Variants in PDZD7 observed in about 807,000 individuals in gnomAD.
PDZD7 encodes PDZ domain containing 7.
PDZD7 carries 72 observed loss-of-function variants against 84.7 expected under a neutral mutation model. The ratio of observed to expected loss-of-function variants is 0.85; its 90% confidence interval spans 0.70 to 1.03. PDZD7 has a LOEUF of 1.03. Among genes scored for constraint, PDZD7 ranks in the 50% least tolerant of loss-of-function variants. The pLI, the probability that PDZD7 is intolerant of heterozygous loss-of-function variation, is 0.00. For synonymous variants in PDZD7, 594 were observed against 580.7 expected (o/e 1.02, Z -0.33); for missense variants, 1,490 against 1,412.9 (o/e 1.05, Z -0.87).
intron 9 of PDZD7, chr10:101,017,883 G>A (rs1590057164): frequency 8.5e-6 from 2 of 236,020 alleles, no homozygotes; most frequent in South Asian, 6.0e-5. Flanking sequence ...AAGAAAGAAA[G>A]AAAGAAAGAA....
At chr10:101,027,539 G>A (rs56151242) in intron 2 of PDZD7, among the ~76,000 whole-genome samples, 4,374 of 152,208 alleles carry the variant, frequency 0.029, 94 homozygotes, top group Middle Eastern at 0.058. Flanking sequence ...TGCTAAAAAC[G>A]GGAATTCCTT....
At position 101,010,865 on chromosome 10, in the gene PDZD7, T is replaced by A; in HGVS notation, c.2024A>T (p.Tyr675Phe). ...CGGGAAGCCGTTCACCGGCAGCAGG[T>A]AGAAGCCTCCGCGGCTGTCTGGGGA... ...TPVPDSRGGFYLLPVNGFPEE... is the reference protein window; with the variant it reads ...TPVPDSRGGFFLLPVNGFPEE... The change falls in exon 15 of 17, where the codon TAC becomes TTC. Residue 675 changes from tyrosine to phenylalanine, a missense_variant. By Grantham distance (22) the Tyr-to-Phe change is conservative (BLOSUM62 3). Transcript: ENST00000619208. 5 of 1,534,152 alleles carry A rather than the reference T, an allele frequency of 3.3e-6. No homozygotes were observed. Among genetic ancestry groups the A allele is most frequent in the Non-Finnish European group, 3.5e-6 (4 of 1,146,826 alleles).
In PDZD7 at chr10:101,010,861, C is replaced by G; in HGVS notation, c.2028G>C (p.Leu676=). 1 of 1,534,302 alleles carries G rather than the reference C, an allele frequency of 6.5e-7. No individual in the cohort carries two copies. The highest frequency in any genetic ancestry group is 8.7e-7 in the Non-Finnish European group (1 of 1,146,854). The change falls in exon 15 of 17, where the codon CTG becomes CTC. Residue 676 remains leucine, a synonymous_variant. Transcript: ENST00000619208. ...PVPDSRGGFY[L]LPVNGFPEEE... ...CTTCCGGGAAGCCGTTCACCGGCAG[C>G]AGGTAGAAGCCTCCGCGGCTGTCTG...
intron 10 of PDZD7, 97 bp from the exon 11 acceptor site, chr10:101,015,908 G>A (rs920799520): frequency 1.6e-5 from 21 of 1,338,024 alleles, no homozygotes; most frequent in Non-Finnish European, 1.8e-5. Context: ...ACCTGGGGCA[G>A]AATCCTAGCC....
At position 101,031,113 on chromosome 10, in the gene PDZD7, C is replaced by G. The variant is rs1428026220; in HGVS notation, c.-206G>C. On this transcript the variant is annotated 5_prime_UTR_variant, in exon 1 of 17. Transcript: ENST00000619208. ...GCGCCGCCAGCCTTGTCAAACCACC[C>G]GCAGGCGAGAGCTACTGCCGCAGCC... 2 of 152,360 alleles carry G rather than the reference C, an allele frequency of 1.3e-5. No individual in the cohort carries two copies. The highest frequency in any genetic ancestry group is 4.1e-4 in the South Asian group (2 of 4,848). 9.4% of individuals were successfully genotyped at this position (152,360 alleles called of 1,614,324 possible). A position where few individuals can be genotyped will look rare whatever the true frequency, so the allele number is the denominator to read the frequency against.
rs1347404754 is a variant in PDZD7 at position 101,008,470 on chromosome 10, T to C, written c.3099A>G (p.Pro1033=). ...GAATCTGAGGTTAGGGGGAGGGTCA[T>C]GGGATGCGTGGGGAGGGTGCGGGCT... ...DSKPAPSPRI[P] Residue 1033 remains proline (P), a synonymous_variant, in exon 17 of 17, where the codon CCA becomes CCG. Transcript: ENST00000619208. 1 of 1,472,906 alleles carries C rather than the reference T, an allele frequency of 6.8e-7. No individual in the cohort carries two copies. Among genetic ancestry groups the C allele is most frequent in the South Asian group, 1.3e-5 (1 of 78,300 alleles). 91.2% of individuals were successfully genotyped at this position (1,472,906 alleles called of 1,614,324 possible).
At position 101,010,646 on chromosome 10, in the gene PDZD7, G is replaced by A. The variant is rs529449456; in HGVS notation, c.2243C>T (p.Pro748Leu). The A allele has an allele frequency of 1.7e-5, 25 of 1,509,938 alleles. No individual in the cohort carries two copies. The South Asian group carries it at 2.9e-4, about 17-fold the overall frequency. The allele number at this position is 1,509,938 out of a possible 1,614,324, so 93.5% of individuals were successfully genotyped here. A position where few individuals can be genotyped will look rare whatever the true frequency, so the allele number is the denominator to read the frequency against. The part of the protein sequence containing the change: ...LPPVAPRPLR[P>L]NWLLTEPLSR... ...CAGGGGTTCTGTCAGCAGCCAGTTA[G>A]GCCGCAGGGGCCGGGGAGCCACGGG... The change falls in exon 15 of 17, where the codon CCT becomes CTT. Residue 748 changes from proline to leucine, a missense_variant. By Grantham distance (98) the Pro-to-Leu change is moderately conservative (BLOSUM62 -3). Transcript: ENST00000619208.
At position 101,029,901 on chromosome 10, in the gene PDZD7, A is replaced by G. The variant is rs1043840658; in HGVS notation, c.226+93T>C. 4 of 1,328,628 alleles carry G rather than the reference A, an allele frequency of 3.0e-6. No individual in the cohort carries two copies. The African/African-American group carries it at 5.8e-5, about 19-fold the overall frequency. The allele number at this position is 1,328,628 out of a possible 1,614,324, so 82.3% of individuals were successfully genotyped here. A position where few individuals can be genotyped will look rare whatever the true frequency, so the allele number is the denominator to read the frequency against. On this transcript the variant is annotated intron_variant, in intron 2 of 16. Transcript: ENST00000619208. Reference sequence around the variant, plus strand: ...TGACTCCCATCTCTTGAATTCCCCCAATCATACTGGCTCTGCCTCCTCCTG... The same window carrying G: ...TGACTCCCATCTCTTGAATTCCCCCGATCATACTGGCTCTGCCTCCTCCTG...
Position 101,022,210 on chromosome 10 carries a change from T to G in PDZD7, c.718A>C (p.Lys240Gln). 6.2e-7 allele frequency: 1 copy of G among 1,614,180 alleles called. No homozygotes were observed. The highest frequency in any genetic ancestry group is 2.2e-5 in the East Asian group (1 of 44,878). Residue 240 changes from lysine (K) to glutamine (Q), a missense_variant and splice_region_variant, in exon 5 of 17, where the codon AAA (lysine) becomes CAA (glutamine). Physicochemically the swap from Lys to Gln is moderately conservative, Grantham distance 53. Coordinates refer to ENST00000619208, the MANE Select transcript of PDZD7 (RefSeq NM_001195263.2). ...GACACTTCCTGCCTCAGCCCTCACT[T>G]GGACACATAGATGCCCAGGCCAAAC... ...KEFGLGIYVSKVDHGGLAEEN... is the reference protein window; with the variant it reads ...KEFGLGIYVSQVDHGGLAEEN...
At chr10:101,014,015 ATT>A (rs34909819) in intron 11 of PDZD7, among the ~76,000 whole-genome samples, 2,063 of 140,756 alleles carry the variant, frequency 0.015, 37 homozygotes, top group African/African-American at 0.044. Context: ...ATGCCCAGCT[ATT>A]TTTTTTTTTT....
rs1852419161 is a variant in PDZD7, at chr10:101,012,195, C to T, written c.1813G>A (p.Glu605Lys). ...ATGTCCTGCAGCAGTAGCAGCTTCT[C>T]CGGCCTGTCGAGGATGGCCAGCAGG... Reference protein sequence around the residue: ...RPLLAILDRPEKLLLLQDIRS... With the variant: ...RPLLAILDRPKKLLLLQDIRS... The change falls in exon 12 of 17, where the codon GAG becomes AAG. Residue 605 changes from glutamate to lysine, a missense_variant. Transcript: ENST00000619208. 6.4e-7 allele frequency: 1 copy of T among 1,550,528 alleles called. No homozygotes were observed. The highest frequency in any genetic ancestry group is 2.0e-5 in the Admixed American group (1 of 51,002).
chr10:101,016,904 T>C (rs1852655963), intron 9 of PDZD7, among the ~76,000 whole-genome samples: 1 of 152,028 alleles, frequency 6.6e-6, no homozygotes, highest in Admixed American at 6.5e-5. Flanking sequence ...TCTCCCATGG[T>C]ACAATCACCT....
At chr10:101,019,586 C>T (rs1468261248) in intron 7 of PDZD7, among the ~76,000 whole-genome samples, 20 of 126,752 alleles carry the variant, frequency 1.6e-4, no homozygotes, top group South Asian at 7.7e-4. Context: ...CCTCCTCCTC[C>T]TCTTCTTCTT....
chr10:101,008,787 C>T lies in PDZD7; in HGVS notation c.2782G>A (p.Val928Ile). The T allele has an allele frequency of 1.3e-6, 2 of 1,532,334 alleles. No homozygotes were observed. Among genetic ancestry groups the T allele is most frequent in the Non-Finnish European group, 1.7e-6 (2 of 1,143,934 alleles). 94.9% of individuals were successfully genotyped at this position (1,532,334 alleles called of 1,614,324 possible). A position where few individuals can be genotyped will look rare whatever the true frequency, so the allele number is the denominator to read the frequency against. ...CGATAAGCCCGACGGATGGTGTCTACTGCACGCTGGTGGGTCACCTGCTCT... is the reference window on the plus strand; with the variant it reads ...CGATAAGCCCGACGGATGGTGTCTATTGCACGCTGGTGGGTCACCTGCTCT... ...NLEQVTHQRA[V>I]DTIRRAYRNK... The change falls in exon 17 of 17, where the codon GTA becomes ATA. Residue 928 changes from valine to isoleucine, a missense_variant. Coordinates refer to ENST00000619208, the MANE Select transcript of PDZD7 (RefSeq NM_001195263.2).
chr10:101,030,193 G>A lies in PDZD7; in HGVS notation c.27C>T (p.Phe9=). The change falls in exon 2 of 17, where the codon TTC becomes TTT. Residue 9 remains phenylalanine (F), a synonymous_variant. Coordinates refer to ENST00000619208, the MANE Select transcript of PDZD7 (RefSeq NM_001195263.2). MAQGFAVG[F]DPLGLGDLSS... is the part of the protein sequence containing the mutation. ...TCAGGTCTCCTAGGCCCAGTGGGTC[G>A]AAGCCCACTGCGAAACCCTGCGCCA... The A allele has an allele frequency of 1.2e-6, 2 of 1,612,008 alleles. No homozygotes were observed. Among genetic ancestry groups the A allele is most frequent in the South Asian group, 1.1e-5 (1 of 90,910 alleles).
Position 101,030,022 on chromosome 10 carries a change from G to T in PDZD7, c.198C>A (p.Arg66=), listed in dbSNP as rs764353177. 6.2e-7 allele frequency: 1 copy of T among 1,600,682 alleles called. No individual in the cohort carries two copies. Among genetic ancestry groups the T allele is most frequent in the Non-Finnish European group, 8.5e-7 (1 of 1,172,426 alleles). ...RGIRASSPMG[R]VILINSPIEA... ...CGATGGGGGAGTTGATGAGGATGAC[G>T]CGTCCCATGGGCGATGAGGCTCGGA... The change falls in exon 2 of 17, where the codon CGC becomes CGA. Residue 66 remains arginine (R), a synonymous_variant. Coordinates refer to ENST00000619208, the MANE Select transcript of PDZD7 (RefSeq NM_001195263.2).
chr10:101,017,519 A>T (rs964226766), intron 9 of PDZD7: 2 of 683,356 alleles, frequency 2.9e-6, no homozygotes, highest in African/African-American at 3.5e-5. Context: ...GTGGTAGATC[A>T]CGCTGTAATC....
At chr10:101,027,716 C>T (rs140832548) in intron 2 of PDZD7, among the ~76,000 whole-genome samples, 114 of 152,220 alleles carry the variant, frequency 7.5e-4, no homozygotes, top group African/African-American at 1.9e-3. Flanking sequence ...TGTCGTCGTT[C>T]GCTTATTTGT....
At chr10:101,008,939 C>A in intron 16 of PDZD7, 89 bp from the exon 17 acceptor site, 1 of 1,399,000 alleles carries the variant, frequency 7.1e-7, no homozygotes, top group African/African-American at 1.4e-5. Context: ...CTCACCTCCA[C>A]CCATGAGGAC....
Sources: gnomAD v4.1 joint callset for allele counts (sites outside exome capture counted in the v4.1 genomes callset) on GRCh38, gnomAD v4.1.1 for gene constraint, MANE v1.5 for transcripts, NCBI Gene and HGNC (gene_info 2026-07-23, HGNC 2026-07-21) for gene names.